The following LEKR1 variants were observed in gnomAD, a reference collection of about 807,000 sequenced individuals.
LEKR1 encodes protein LEKR1.
LEKR1 carries 59 observed loss-of-function variants against 72.4 expected under a neutral mutation model. The observed-to-expected ratio is 0.82, with a 90% confidence interval of 0.66 to 1.01. The LOEUF (loss-of-function observed/expected upper bound fraction) is 1.01. LEKR1 is among the 50% of genes least tolerant of loss of function. The probability of loss-of-function intolerance (pLI) is 0.00; values close to 1 mark genes in which losing one functional copy is unlikely to be tolerated. For missense variants in LEKR1, 728 were observed against 759.2 expected (o/e 0.96, Z 0.48); for synonymous variants, 257 against 263.2 (o/e 0.98, Z 0.23).
chr3:156,981,541 G>A (rs569277366), intron 7 of LEKR1, among the ~76,000 whole-genome samples: 44 of 152,330 alleles, frequency 2.9e-4, no homozygotes, highest in Non-Finnish European at 3.1e-4. Context: ...TTAGAAATGC[G>A]AATTAGGAAA....
chr3:156,911,612 T>A (rs1723117522), intron 3 of LEKR1, among the ~76,000 whole-genome samples: 1 of 152,096 alleles, frequency 6.6e-6, no homozygotes, highest in Non-Finnish European at 1.5e-5. Context: ...CTAGGTTTTT[T>A]TTCTAGGATT....
intron 3 of LEKR1, among the ~76,000 whole-genome samples, chr3:156,900,616 T>C (rs1721932708): frequency 6.6e-6 from 1 of 152,190 alleles, no homozygotes; most frequent in African/African-American, 2.4e-5. Context: ...AATGCAAAGA[T>C]ATAGGACTTG....
intron 10 of LEKR1, among the ~76,000 whole-genome samples, chr3:157,022,293 G>A (rs894356741): frequency 6.6e-6 from 1 of 152,152 alleles, no homozygotes; most frequent in Non-Finnish European, 1.5e-5. Context: ...GAGAAACCAC[G>A]AAGAAGGAAT....
intron 6 of LEKR1, among the ~76,000 whole-genome samples, chr3:156,968,521 G>C (rs915092473): frequency 1.3e-5 from 2 of 151,484 alleles, no homozygotes. Flanking sequence ...GATCAAAAGA[G>C]ACAAGGCCAT....
At chr3:156,957,198 A>G (rs1727726154) in intron 6 of LEKR1, among the ~76,000 whole-genome samples, 1 of 152,078 alleles carries the variant, frequency 6.6e-6, no homozygotes, top group Non-Finnish European at 1.5e-5. Flanking sequence ...TCCCATGCCA[A>G]CATTTAGGAC....
intron 12 of LEKR1, among the ~76,000 whole-genome samples, chr3:157,041,110 G>A (rs1035495062): frequency 6.6e-6 from 1 of 152,058 alleles, no homozygotes; most frequent in Non-Finnish European, 1.5e-5. Context: ...TTCTCAGGGG[G>A]AGGGCAATTA....
chr3:157,000,403 A>G (rs1187295223), intron 9 of LEKR1, among the ~76,000 whole-genome samples: 1 of 152,216 alleles, frequency 6.6e-6, no homozygotes, highest in African/African-American at 2.4e-5. Context: ...GATGCAAGAT[A>G]AAGTCCATTC....
In LEKR1 at chr3:157,024,898, A is replaced by G; in HGVS notation, c.1342A>G (p.Lys448Glu). ...CCAAGATGTAATCCAAAAGTATAAG[A>G]AAGAACAAGAGGAACTACAAATGAA... ...KHQDVIQKYK[K>E]EQEELQMKIS... Residue 448 changes from lysine to glutamate, a missense_variant, in exon 11 of 13, where the codon AAA becomes GAA. Lys to Glu is a moderately conservative substitution (Grantham distance 56). Coordinates refer to ENST00000356539, the MANE Select transcript of LEKR1 (RefSeq NM_001004316.3). The G allele has an allele frequency of 6.3e-7, 1 of 1,597,206 alleles. No homozygotes were observed. Among genetic ancestry groups the G allele is most frequent in the South Asian group, 1.1e-5 (1 of 88,570 alleles).
intron 3 of LEKR1, among the ~76,000 whole-genome samples, chr3:156,909,390 G>A (rs965245881): frequency 5.9e-5 from 9 of 152,116 alleles, no homozygotes; most frequent in Admixed American, 2.0e-4. Context: ...GGTGGGTCAT[G>A]CCTGCAATCC....
chr3:156,989,381 A>C (rs1169190560), intron 7 of LEKR1, among the ~76,000 whole-genome samples: 2 of 152,346 alleles, frequency 1.3e-5, no homozygotes, highest in African/African-American at 4.8e-5. Context: ...TTTTGCTAGA[A>C]TCAAACTTGA....
chr3:156,852,879 TATC>T lies in LEKR1; in HGVS notation c.162_164del (p.Tyr54_Gln55delinsTer). On this transcript the variant is annotated stop_gained and inframe_deletion, in exon 3 of 13. Transcript: ENST00000356539. LOFTEE classifies it high-confidence loss of function. The stretch of plus-strand genomic sequence containing the variant: ...AGCAATGGAAAAAGAGATGAAATTT[TATC>T]AAGGAAGTGTAGATCGTGAAAAGAG... 1 of 1,535,100 alleles carries T rather than the reference TATC, an allele frequency of 6.5e-7. No homozygotes were observed.
intron 2 of LEKR1, among the ~76,000 whole-genome samples, chr3:156,834,142 A>G (rs1712807178): frequency 6.6e-6 from 1 of 152,168 alleles, no homozygotes; most frequent in South Asian, 2.1e-4. Context: ...ATAATTTATT[A>G]CAGGGCAGAC....
At chr3:156,989,951 C>T (rs1293668676) in intron 7 of LEKR1, among the ~76,000 whole-genome samples, 2 of 152,168 alleles carry the variant, frequency 1.3e-5, no homozygotes, top group Admixed American at 6.5e-5. Context: ...CATAAATTTA[C>T]ATACAATACT....
At chr3:156,876,630 G>A (rs529494845) in intron 3 of LEKR1, among the ~76,000 whole-genome samples, 1 of 152,210 alleles carries the variant, frequency 6.6e-6, no homozygotes, top group African/African-American at 2.4e-5. Context: ...CTTAGTCATT[G>A]TTGGTATATA....
chr3:156,852,787 T>G lies in LEKR1; in HGVS notation c.68T>G (p.Val23Gly). The change falls in exon 3 of 13, where the codon GTT becomes GGT. Residue 23 changes from valine (V) to glycine (G), a missense_variant. Physicochemically the swap from Val to Gly is moderately radical, Grantham distance 109. Transcript: ENST00000356539. ...EIQKMLPEEKVCKYCGVSYLI... is the reference protein window; with the variant it reads ...EIQKMLPEEKGCKYCGVSYLI... ...TCCTAGATGTTGCCTGAAGAAAAAG[T>G]TTGTAAGTACTGTGGAGTCAGCTAT... 1 of 1,522,470 alleles carries G rather than the reference T, an allele frequency of 6.6e-7. No individual in the cohort carries two copies. Among genetic ancestry groups the G allele is most frequent in the Non-Finnish European group, 8.8e-7 (1 of 1,140,986 alleles). The allele number at this position is 1,522,470 out of a possible 1,614,324, so 94.3% of individuals were successfully genotyped here.
At chr3:156,851,723 G>A (rs1715388827) in intron 2 of LEKR1, among the ~76,000 whole-genome samples, 1 of 151,896 alleles carries the variant, frequency 6.6e-6, no homozygotes, top group Admixed American at 6.6e-5. Flanking sequence ...ACATTGGTAG[G>A]CAGATATGGT....
At chr3:156,981,395 C>A (rs1730187482) in intron 7 of LEKR1, among the ~76,000 whole-genome samples, 1 of 152,068 alleles carries the variant, frequency 6.6e-6, no homozygotes, top group African/African-American at 2.4e-5. Flanking sequence ...CACTAAAGTC[C>A]ATCAAACTAA....
Position 156,992,742 on chromosome 3 carries a change from C to A in LEKR1, c.905+12C>A. ...ATTTCTGAGTCACAGTATGCATTAC[C>A]AATTTTTAAATTTATATTTTTAATA... On this transcript the variant is annotated intron_variant, in intron 8 of 12. Transcript: ENST00000356539. 4.1e-6 allele frequency: 3 copies of A among 739,086 alleles called. No individual in the cohort carries two copies. The highest frequency in any genetic ancestry group is 1.9e-5 in the African/African-American group (1 of 52,152). 45.8% of individuals were successfully genotyped at this position (739,086 alleles called of 1,614,324 possible).
chr3:156,915,697 C>T (rs551851975), intron 3 of LEKR1, among the ~76,000 whole-genome samples: 23 of 151,938 alleles, frequency 1.5e-4, no homozygotes, highest in Admixed American at 1.4e-3. Flanking sequence ...ATTTTGTCTT[C>T]CATTCTGTAG....
Sources: allele counts gnomAD v4.1 joint callset (sites outside exome capture counted in the v4.1 genomes callset), GRCh38; gene constraint gnomAD v4.1.1; transcripts MANE v1.5; gene names NCBI Gene and HGNC (gene_info 2026-07-23, HGNC 2026-07-21).